BAALC: variants seen among roughly 807,000 people sequenced by gnomAD.
BAALC encodes BAALC binder of MAP3K1 and KLF4, also known as brain and acute leukemia cytoplasmic protein.
Under a neutral mutation model 15.5 loss-of-function variants are expected in BAALC, and 9 were observed. The ratio of observed to expected loss-of-function variants is 0.58; its 90% confidence interval spans 0.35 to 1.02. BAALC has a LOEUF of 1.02. Among genes scored for constraint, BAALC ranks in the 50% least tolerant of loss-of-function variants. The probability of loss-of-function intolerance (pLI) is 0.02; values close to 1 mark genes in which losing one functional copy is unlikely to be tolerated. For missense variants in BAALC, 201 were observed against 192.4 expected, an observed-to-expected ratio of 1.04 and a Z score of -0.27; for synonymous variants, 80 against 74.6, an observed-to-expected ratio of 1.07 and a Z score of -0.37.
chr8:103,229,591 T>C lies in BAALC; in HGVS notation c.*1492T>C, dbSNP rs1016040544. On this transcript the variant is annotated 3_prime_UTR_variant, in exon 3 of 3. Transcript: ENST00000309982. Reference sequence around the variant, plus strand: ...GAGGGATTTGGGGTCTGGTTAGTCGTGACTATCTATCCTGAATCTAACAGT... The same window carrying C: ...GAGGGATTTGGGGTCTGGTTAGTCGCGACTATCTATCCTGAATCTAACAGT... The C allele has an allele frequency of 6.6e-6, 1 of 152,350 alleles. No homozygotes were observed. Among genetic ancestry groups the C allele is most frequent in the Non-Finnish European group, 1.5e-5 (1 of 68,034 alleles). 9.4% of individuals were successfully genotyped at this position (152,350 alleles called of 1,614,324 possible). A position where few individuals can be genotyped will look rare whatever the true frequency, so the allele number is the denominator to read the frequency against.
intron 1 of BAALC, among the ~76,000 whole-genome samples, chr8:103,205,289 C>A (rs1812302907): frequency 6.6e-6 from 1 of 152,122 alleles, no homozygotes; most frequent in Admixed American, 6.6e-5. Context: ...GCAAGGAATC[C>A]CTGGGGTTGC....
At chr8:103,144,802 C>T (rs138586380) in intron 1 of BAALC, among the ~76,000 whole-genome samples, 1,712 of 152,270 alleles carry the variant, frequency 0.011, 10 homozygotes, top group Non-Finnish European at 0.016. Context: ...CCTAAATAAA[C>T]TGAAAGATAG....
At chr8:103,198,395 CT>C (rs1375834162) in intron 1 of BAALC, among the ~76,000 whole-genome samples, 4 of 152,040 alleles carry the variant, frequency 2.6e-5, no homozygotes, top group Non-Finnish European at 5.9e-5. Flanking sequence ...AAAAATCATT[CT>C]TATTTCACGA....
chr8:103,166,439 C>T (rs1811348753), intron 1 of BAALC: 2 of 152,282 alleles, frequency 1.3e-5, no homozygotes, highest in Non-Finnish European at 2.9e-5. Context: ...CCAGGGACCT[C>T]CTTGAATCCA....
intron 1 of BAALC, among the ~76,000 whole-genome samples, chr8:103,152,386 C>T (rs989763961): frequency 2.6e-5 from 4 of 152,310 alleles, no homozygotes; most frequent in Non-Finnish European, 5.9e-5. Context: ...ACACCCGCCC[C>T]CTCTGTGTGG....
In BAALC at chr8:103,181,562, T is replaced by G. The variant is rs543139291; in HGVS notation, c.161-31357T>G. Among the ~76,000 whole-genome samples the G allele has an allele frequency of 7.9e-5, 12 of 152,186 alleles. 1 individual carries two copies. The highest frequency in any genetic ancestry group is 3.9e-4 in the East Asian group (2 of 5,172). ...GCTGGGATTACAGGTGTGAGCCACC[T>G]CGCCCGGCCAGGAATATCTTTAGGT... is the stretch of plus-strand genomic sequence containing the variant. On this transcript the variant is annotated intron_variant, in intron 1 of 2. Coordinates refer to ENST00000309982, the MANE Select transcript of BAALC (RefSeq NM_024812.3).
At chr8:103,218,427 A>G (rs1812609439) in intron 2 of BAALC, among the ~76,000 whole-genome samples, 1 of 151,990 alleles carries the variant, frequency 6.6e-6, no homozygotes, top group African/African-American at 2.4e-5. Context: ...TGAGCTCAAC[A>G]AACAACACGA....
intron 1 of BAALC, among the ~76,000 whole-genome samples, chr8:103,141,657 C>T (rs1403130201): frequency 2.6e-5 from 4 of 152,232 alleles, no homozygotes; most frequent in African/African-American, 7.2e-5. Context: ...CCCGCCCCAT[C>T]GCTAGTTCTG....
rs945820876 is a variant in BAALC at position 103,229,337 on chromosome 8, A to G, written c.*1238A>G. On this transcript the variant is annotated 3_prime_UTR_variant, in exon 3 of 3. Coordinates refer to ENST00000309982, the MANE Select transcript of BAALC (RefSeq NM_024812.3). ...GTGCCAAACTATATCAATAAATTCC[A>G]TGTTTAGCAGAAATAGGCAGCCTAT... 2.0e-5 allele frequency: 3 copies of G among 152,208 alleles called. No homozygotes were observed. The highest frequency in any genetic ancestry group is 7.2e-5 in the African/African-American group (3 of 41,448). The allele number at this position is 152,208 out of a possible 1,614,324, so 9.4% of individuals were successfully genotyped here. A position where few individuals can be genotyped will look rare whatever the true frequency, so the allele number is the denominator to read the frequency against.
chr8:103,157,239 G>T (rs1484232322), intron 1 of BAALC, among the ~76,000 whole-genome samples: 1 of 151,950 alleles, frequency 6.6e-6, no homozygotes, highest in African/African-American at 2.4e-5. Flanking sequence ...CCCCTTAATT[G>T]TAGCCTTAGA....
chr8:103,191,359 G>A (rs913332299), intron 1 of BAALC: 15 of 152,124 alleles, frequency 9.9e-5, no homozygotes, highest in African/African-American at 3.6e-4. Flanking sequence ...CAGTAGTGTA[G>A]AGTCTTGATA....
intron 1 of BAALC, among the ~76,000 whole-genome samples, chr8:103,186,574 G>T (rs1477077049): frequency 6.6e-6 from 1 of 152,042 alleles, no homozygotes; most frequent in Non-Finnish European, 1.5e-5. Flanking sequence ...ACGATTTTTT[G>T]TCTGTCTCAA....
chr8:103,210,322 T>C (rs1034864387), intron 1 of BAALC, among the ~76,000 whole-genome samples: 2 of 152,244 alleles, frequency 1.3e-5, no homozygotes, highest in African/African-American at 4.8e-5. Context: ...CTGGACCAGA[T>C]ACTTTCCACT....
intron 2 of BAALC, 36 bp downstream of exon 2, chr8:103,213,121 A>C (rs757856693): frequency 6.2e-7 from 1 of 1,606,434 alleles, no homozygotes; most frequent in Non-Finnish European, 8.5e-7. Flanking sequence ...TGGGGACTGG[A>C]GAATGGGGGT....
chr8:103,198,711 C>T (rs947605944), intron 1 of BAALC, among the ~76,000 whole-genome samples: 6 of 151,368 alleles, frequency 4.0e-5, no homozygotes, highest in Admixed American at 1.3e-4. Context: ...TCAGACCAGC[C>T]GGGGCAACAT....
At chr8:103,211,500 A>G (rs568896740) in intron 1 of BAALC, among the ~76,000 whole-genome samples, 3 of 152,284 alleles carry the variant, frequency 2.0e-5, no homozygotes, top group African/African-American at 7.2e-5. Context: ...GATTGACTAT[A>G]CTTATTGAAA....
intron 1 of BAALC, among the ~76,000 whole-genome samples, chr8:103,188,228 C>T (rs1811888842): frequency 2.6e-5 from 4 of 152,130 alleles, no homozygotes; most frequent in Non-Finnish European, 2.9e-5. Context: ...AGCCCCACCT[C>T]ACAGCTCCCA....
At position 103,171,066 on chromosome 8, in the gene BAALC, C is replaced by T. The variant is rs376052042; in HGVS notation, c.160+30009C>T. ...GGAAAGCTATCAAGCCAAACAGAGC[C>T]AGCTGAACACTGAGAAATCTAATCA... On this transcript the variant is annotated intron_variant, in intron 1 of 2. Transcript: ENST00000309982. 8.9e-4 allele frequency among the ~76,000 whole-genome samples: 134 copies of T among 151,204 alleles called. 6 individuals are homozygous for T. The South Asian group carries it at 0.027, about 30-fold the overall frequency.
chr8:103,208,004 C>T (rs1329812838), intron 1 of BAALC, among the ~76,000 whole-genome samples: 1 of 152,220 alleles, frequency 6.6e-6, no homozygotes, highest in African/African-American at 2.4e-5. Flanking sequence ...GACCCCTGCT[C>T]ATTGTTTGGC....
Sources: allele counts gnomAD v4.1 joint callset (sites outside exome capture counted in the v4.1 genomes callset), GRCh38; gene constraint gnomAD v4.1.1; transcripts MANE v1.5; gene names NCBI Gene and HGNC (gene_info 2026-07-23, HGNC 2026-07-21).